The following DYNC2I1 variants were observed in gnomAD, a reference collection of about 807,000 sequenced individuals.
DYNC2I1 encodes the protein cytoplasmic dynein 2 intermediate chain 1.
In DYNC2I1, 89 loss-of-function variants were observed where a neutral mutation model predicts 133.4. That is an observed-to-expected ratio of 0.67 (90% CI 0.56 to 0.80). DYNC2I1 has a LOEUF of 0.80. Among genes scored for constraint, DYNC2I1 ranks in the 30% least tolerant of loss-of-function variants. DYNC2I1 has a pLI of 0.00. For synonymous variants in DYNC2I1, 504 were observed against 484.3 expected, an observed-to-expected ratio of 1.04 and a Z score of -0.54; for missense variants, 1,291 against 1,314.5, an observed-to-expected ratio of 0.98 and a Z score of 0.28.
At position 158,869,835 on chromosome 7, in the gene DYNC2I1, CTT is replaced by C; in HGVS notation, c.16-18_16-17del. On this transcript the variant is annotated intron_variant, in intron 1 of 24. Transcript: ENST00000407559. Reference sequence around the variant, plus strand: ...AAATAAATTATTTTAAACATTCTAACTTTATACTTTTCTATTTAGAGAAGAAC... The same window carrying C: ...AAATAAATTATTTTAAACATTCTAACTATACTTTTCTATTTAGAGAAGAAC... 1.4e-6 allele frequency: 2 copies of C among 1,461,432 alleles called. No homozygotes were observed. The highest frequency in any genetic ancestry group is 1.9e-6 in the Non-Finnish European group (2 of 1,067,034). 90.5% of individuals were successfully genotyped at this position (1,461,432 alleles called of 1,614,324 possible). A position where few individuals can be genotyped will look rare whatever the true frequency, so the allele number is the denominator to read the frequency against.
downstream of DYNC2I1, among the ~76,000 whole-genome samples, chr7:158,950,708 T>C (rs34878173): frequency 2.8e-4 from 41 of 144,648 alleles, no homozygotes; most frequent in African/African-American, 8.6e-4. Context: ...AGCCTCTATA[T>C]GATTCCAGGT....
intron 1 of DYNC2I1, among the ~76,000 whole-genome samples, chr7:158,863,016 G>A (rs935140575): frequency 5.3e-5 from 8 of 151,334 alleles, no homozygotes; most frequent in Admixed American, 3.3e-4. Context: ...TAAAGGTAGC[G>A]TGGACCCAAA....
intron 3 of DYNC2I1, among the ~76,000 whole-genome samples, chr7:158,874,209 ATTT>A (rs35679970): frequency 7.1e-6 from 1 of 141,204 alleles, no homozygotes. Flanking sequence ...GGCCTAATTA[ATTT>A]TTTTTTTTTT....
At chr7:158,896,069 T>G (rs1378599606) in intron 8 of DYNC2I1, among the ~76,000 whole-genome samples, 1 of 152,344 alleles carries the variant, frequency 6.6e-6, no homozygotes, top group East Asian at 1.9e-4. Flanking sequence ...AATTTCTTCC[T>G]TCCCAATCAG....
chr7:158,939,870 AAG>A (rs913565481), intron 23 of DYNC2I1, among the ~76,000 whole-genome samples: 4 of 152,208 alleles, frequency 2.6e-5, no homozygotes, highest in African/African-American at 7.2e-5. Context: ...AAATGACAAA[AAG>A]GGGTCTATAT....
At chr7:158,906,249 TTAG>T (rs1419886158) in intron 11 of DYNC2I1, among the ~76,000 whole-genome samples, 158 bp downstream of exon 11, 1 of 152,202 alleles carries the variant, frequency 6.6e-6, no homozygotes, top group Non-Finnish European at 1.5e-5. Context: ...AGATCTTATG[TTAG>T]TAGAGCAGGT....
the DYNC2I1 span, among the ~76,000 whole-genome samples, chr7:158,851,242 C>G: frequency 6.6e-6 from 1 of 152,054 alleles, no homozygotes; most frequent in Non-Finnish European, 1.5e-5. Context: ...ATTAGAATAA[C>G]ATATTTTTGG....
chr7:158,935,980 G>A (rs1463554507), intron 23 of DYNC2I1, among the ~76,000 whole-genome samples: 1 of 152,152 alleles, frequency 6.6e-6, no homozygotes, highest in Non-Finnish European at 1.5e-5. Context: ...GTCACCTGAG[G>A]TAGGGGTTCA....
intron 24 of DYNC2I1, among the ~76,000 whole-genome samples, chr7:158,942,937 C>T (rs939131272): frequency 5.3e-5 from 8 of 152,216 alleles, no homozygotes; most frequent in African/African-American, 1.9e-4. Flanking sequence ...CAGAAGTGTT[C>T]ACGAAAGCTT....
At chr7:158,918,277 A>G (rs1428804013) in intron 14 of DYNC2I1, among the ~76,000 whole-genome samples, 1 of 152,030 alleles carries the variant, frequency 6.6e-6, no homozygotes, top group Non-Finnish European at 1.5e-5. Context: ...TTCTTTTTCC[A>G]TCAATCCTGT....
intron 3 of DYNC2I1, among the ~76,000 whole-genome samples, 157 bp downstream of exon 3, chr7:158,871,719 A>G (rs1297120905): frequency 6.6e-6 from 1 of 151,790 alleles, no homozygotes; most frequent in Non-Finnish European, 1.5e-5. Flanking sequence ...CCCCCAGGCT[A>G]GAGAGCAGTG....
chr7:158,945,495 T>C lies in DYNC2I1; in HGVS notation c.3003-86T>C, dbSNP rs1563216027. 2 of 1,374,036 alleles carry C rather than the reference T, an allele frequency of 1.5e-6. No homozygotes were observed. Among genetic ancestry groups the C allele is most frequent in the Non-Finnish European group, 2.0e-6 (2 of 1,016,458 alleles). The allele number at this position is 1,374,036 out of a possible 1,614,324, so 85.1% of individuals were successfully genotyped here. On this transcript the variant is annotated intron_variant, in intron 24 of 24. Transcript: ENST00000407559. This position sits in a 1 kb window ranked among gnomAD's most constrained non-coding sequence, Gnocchi z 4.1. ...TTTCTCATCCGTTTCACTCTTCCCA[T>C]GGAAGGTAGACATTTTGAAGACTCA...
At chr7:158,855,915 C>T (rs956345103), upstream of DYNC2I1, among the ~76,000 whole-genome samples, 1 of 150,348 alleles carries the variant, frequency 6.7e-6, no homozygotes, top group African/African-American at 2.4e-5. Context: ...AGTGCAAAGC[C>T]TTATTCAAAT....
intron 5 of DYNC2I1, among the ~76,000 whole-genome samples, chr7:158,881,333 G>A (rs1052830353): frequency 1.3e-5 from 2 of 152,176 alleles, no homozygotes; most frequent in African/African-American, 4.8e-5. Flanking sequence ...TGCTACCCGC[G>A]TCTACGGTGT....
chr7:158,844,890 G>A, the DYNC2I1 span, among the ~76,000 whole-genome samples: 4 of 152,134 alleles, frequency 2.6e-5, no homozygotes, highest in African/African-American at 4.8e-5. Flanking sequence ...CAAAGTGTTG[G>A]GATTGCAGGC....
intron 5 of DYNC2I1, among the ~76,000 whole-genome samples, chr7:158,882,888 AAAAG>A (rs1844186112): frequency 6.6e-6 from 1 of 151,960 alleles, no homozygotes; most frequent in Non-Finnish European, 1.5e-5. Context: ...AAAAAAAAAA[AAAAG>A]GAAAAGAAAT....
At chr7:158,910,013 G>C (rs1585118595) in intron 11 of DYNC2I1, among the ~76,000 whole-genome samples, 1 of 152,170 alleles carries the variant, frequency 6.6e-6, no homozygotes, top group Non-Finnish European at 1.5e-5. Context: ...GATGTTGGGC[G>C]GGTCGTTCAC....
chr7:158,947,835 C>T (rs763320882), downstream of DYNC2I1, among the ~76,000 whole-genome samples: 8 of 152,378 alleles, frequency 5.3e-5, no homozygotes, highest in African/African-American at 1.9e-4. Flanking sequence ...CGCGCTGCCT[C>T]GGAAGCACCT....
At chr7:158,912,074 A>G (rs952654266) in intron 12 of DYNC2I1, among the ~76,000 whole-genome samples, 5 of 152,170 alleles carry the variant, frequency 3.3e-5, no homozygotes, top group Non-Finnish European at 7.3e-5. Flanking sequence ...TCCTGGGTTC[A>G]AGTGATTCTC....
Sources: gnomAD v4.1 joint callset for allele counts (sites outside exome capture counted in the v4.1 genomes callset) on GRCh38, gnomAD v4.1.1 for gene constraint, Gnocchi (gnomAD v3.1) non-coding constraint, MANE v1.5 for transcripts, NCBI Gene and HGNC (gene_info 2026-07-23, HGNC 2026-07-21) for gene names.